Variants in MSN observed in about 807,000 individuals in gnomAD.
MSN encodes the protein epididymis luminal protein 70.
Under a neutral mutation model 48.0 loss-of-function variants are expected in MSN, and 2 were observed. The ratio of observed to expected loss-of-function variants is 0.04; its 90% CI spans 0.02 to 0.13. MSN has a LOEUF of 0.13. Ranked by LOEUF, MSN falls within the 10% of genes least tolerant of loss-of-function variation. The pLI, the probability that MSN is intolerant of heterozygous loss-of-function variation, is 1.00. For missense variants in MSN, 267 were observed against 470.1 expected (o/e 0.57, Z 3.99); for synonymous variants, 146 against 166.9 (o/e 0.87, Z 0.97).
chrX:65,687,982 G>A (rs1181106691), intron 1 of MSN, among the ~76,000 whole-genome samples: 2 of 111,911 alleles, frequency 1.8e-5, no homozygotes, highest in Non-Finnish European at 3.8e-5. Flanking sequence ...AGCTGGAAAG[G>A]ATTTATAATT....
chrX:65,611,179 T>TC (rs1323636130), intron 1 of MSN, among the ~76,000 whole-genome samples: 1 of 107,117 alleles, frequency 9.3e-6, no homozygotes, highest in Non-Finnish European at 1.9e-5. Flanking sequence ...TTTTTTTTTT[T>TC]TTTGGAGTCT....
intron 1 of MSN, among the ~76,000 whole-genome samples, chrX:65,620,292 C>T (rs185295043): frequency 1.8e-5 from 2 of 112,572 alleles, no homozygotes; most frequent in Non-Finnish European, 3.8e-5. Context: ...CAATGGAGGG[C>T]GCCCCTCCCC....
chrX:65,738,453 A>G, intron 10 of MSN, 72 bp from the exon 11 acceptor site: 1 of 934,601 alleles, frequency 1.1e-6, no homozygotes, highest in South Asian at 2.2e-5. Flanking sequence ...CCCCCAGGGG[A>G]CTTGGGTTGA....
At chrX:65,637,949 A>G (rs1273401967) in intron 1 of MSN, among the ~76,000 whole-genome samples, 3 of 111,856 alleles carry the variant, frequency 2.7e-5, no homozygotes, top group Admixed American at 9.5e-5. Flanking sequence ...ACTATACATT[A>G]GACTGATTTA....
At chrX:65,619,641 C>T (rs1188687626) in intron 1 of MSN, among the ~76,000 whole-genome samples, 1 of 104,171 alleles carries the variant, frequency 9.6e-6, no homozygotes, top group Non-Finnish European at 1.9e-5. Flanking sequence ...AACTTCTTTG[C>T]CTTTGGTTTG....
At chrX:65,650,768 G>C (rs1001639519) in intron 1 of MSN, among the ~76,000 whole-genome samples, 1 of 112,306 alleles carries the variant, frequency 8.9e-6, no homozygotes, top group Non-Finnish European at 1.9e-5. Flanking sequence ...TTTTCTTACA[G>C]TTCTGGAGGT....
intron 5 of MSN, 92 bp from the exon 6 acceptor site, chrX:65,731,746 C>T: frequency 2.0e-6 from 2 of 1,021,607 alleles, no homozygotes; most frequent in Non-Finnish European, 2.7e-6. Flanking sequence ...ATAGCAAGAT[C>T]CTTGTCAGAA....
intron 1 of MSN, among the ~76,000 whole-genome samples, chrX:65,709,053 C>T (rs890521650): frequency 1.8e-5 from 2 of 112,283 alleles, no homozygotes; most frequent in Admixed American, 9.5e-5. Context: ...ATCCATTCAT[C>T]TGGTTTTGGA....
chrX:65,727,236 C>T (rs1170918470), intron 2 of MSN, among the ~76,000 whole-genome samples: 2 of 111,703 alleles, frequency 1.8e-5, no homozygotes, highest in Middle Eastern at 9.3e-3. Flanking sequence ...GTATTACCCC[C>T]AGTTGCTAAG....
chrX:65,589,915 G>C (rs1358687599), intron 1 of MSN: 1 of 107,818 alleles, frequency 9.3e-6, no homozygotes, highest in Admixed American at 1.0e-4. Flanking sequence ...GCCCAGACTG[G>C]AGTGCAATGG....
chrX:65,631,505 T>C (rs139313811), intron 1 of MSN, among the ~76,000 whole-genome samples: 3 of 112,065 alleles, frequency 2.7e-5, no homozygotes, highest in Non-Finnish European at 5.6e-5. Context: ...ATCCTTGAGA[T>C]TGACTTTTTT....
At chrX:65,680,561 G>T (rs1225955400) in intron 1 of MSN, among the ~76,000 whole-genome samples, 2 of 111,096 alleles carry the variant, frequency 1.8e-5, no homozygotes, top group Admixed American at 1.9e-4. Context: ...AAACCTCTTA[G>T]CATAGCATAT....
At chrX:65,672,848 A>G (rs1358642556) in intron 1 of MSN, among the ~76,000 whole-genome samples, 1 of 111,511 alleles carries the variant, frequency 9.0e-6, no homozygotes, top group Non-Finnish European at 1.9e-5. Context: ...TCTTATATGT[A>G]TGTTCATTCC....
chrX:65,687,548 G>A (rs73629474), intron 1 of MSN, among the ~76,000 whole-genome samples: 2,508 of 111,529 alleles, frequency 0.022, 71 homozygotes, highest in African/African-American at 0.076. Context: ...GTAATCCATA[G>A]AGTATTACTC....
chrX:65,636,925 CAA>C (rs747759325), intron 1 of MSN, among the ~76,000 whole-genome samples: 1 of 57,328 alleles, frequency 1.7e-5, no homozygotes. Context: ...ACTAAAAATA[CAA>C]AAAAAAAAAA....
intron 1 of MSN, among the ~76,000 whole-genome samples, chrX:65,590,406 C>T (rs958883051): frequency 5.4e-5 from 6 of 111,105 alleles, no homozygotes; most frequent in Non-Finnish European, 9.4e-5. Flanking sequence ...ACTTGGAAAC[C>T]GTGGCTCTGG....
chrX:65,711,120 G>A (rs970956630), intron 1 of MSN, among the ~76,000 whole-genome samples: 3 of 111,059 alleles, frequency 2.7e-5, no homozygotes, highest in Non-Finnish European at 3.8e-5. Context: ...GTGCAATGAC[G>A]CGATGTCAAC....
Position 65,738,634 on chromosome X carries a change from A to C in MSN, c.1344+17A>C, listed in dbSNP as rs1244279113. 4.2e-6 allele frequency: 5 copies of C among 1,182,928 alleles called. No individual in the cohort carries two copies. Among genetic ancestry groups the C allele is most frequent in the Middle Eastern group, 2.3e-4 (1 of 4,291 alleles). On this transcript the variant is annotated intron_variant, in intron 11 of 12. Transcript: ENST00000360270. ...CAGCAGAAGGTAAGACACAGGGCCT[A>C]AAGCAAAGCATTGAAGGAATGGGTG...
At chrX:65,600,934 C>G (rs1298980438) in intron 1 of MSN, among the ~76,000 whole-genome samples, 1 of 111,648 alleles carries the variant, frequency 9.0e-6, no homozygotes, top group African/African-American at 3.3e-5. Context: ...ATGCTTTCTT[C>G]TCTTTCTCAA....
Sources: gnomAD v4.1 joint callset for allele counts (sites outside exome capture counted in the v4.1 genomes callset) on GRCh38, gnomAD v4.1.1 for gene constraint, MANE v1.5 for transcripts, NCBI Gene and HGNC (gene_info 2026-07-23, HGNC 2026-07-21) for gene names.